Variants in RHOBTB2 observed in about 807,000 individuals in gnomAD.
The protein encoded by RHOBTB2 is rho-related BTB domain-containing protein 2.
In RHOBTB2, 39 loss-of-function variants were observed where a neutral mutation model predicts 66.5. That is an observed-to-expected ratio of 0.59 (90% confidence interval 0.45 to 0.77). The LOEUF (loss-of-function observed/expected upper bound fraction) is 0.77, where lower values mean the gene tolerates loss of function less well. Among genes scored for constraint, RHOBTB2 ranks in the 30% least tolerant of loss-of-function variants. The pLI is 0.00. For synonymous variants in RHOBTB2, 390 were observed against 395.0 expected (o/e 0.99, Z 0.15); for missense variants, 755 against 999.1 (o/e 0.76, Z 3.29).
chr8:22,968,938 G>T, the RHOBTB2 span, among the ~76,000 whole-genome samples: 1 of 151,194 alleles, frequency 6.6e-6, no homozygotes, highest in Non-Finnish European at 1.5e-5. Context: ...TCTTTTACAA[G>T]ATAAAAATCT....
upstream of RHOBTB2, among the ~76,000 whole-genome samples, chr8:22,997,631 C>A (rs1810612270): frequency 6.6e-6 from 1 of 152,206 alleles, no homozygotes; most frequent in South Asian, 2.1e-4. Flanking sequence ...ACAGTCCGAG[C>A]AGCCACCCTC....
chr8:23,018,861 A>C lies in RHOBTB2; in HGVS notation c.*1392A>C, dbSNP rs1811384468. 1 of 153,022 alleles carries C rather than the reference A, an allele frequency of 6.5e-6. No homozygotes were observed. The highest frequency in any genetic ancestry group is 1.5e-5 in the Non-Finnish European group (1 of 68,372). The allele number at this position is 153,022 out of a possible 1,614,324, so 9.5% of individuals were successfully genotyped here. A position where few individuals can be genotyped will look rare whatever the true frequency, so the allele number is the denominator to read the frequency against. ...TTACTGCTGGGGTGGGATAAGGGGA[A>C]GGAGAAGAGGGAGAATGGAGCAGGA... On this transcript the variant is annotated 3_prime_UTR_variant, in exon 10 of 10. Coordinates refer to ENST00000251822, the MANE Select transcript of RHOBTB2 (RefSeq NM_015178.3).
chr8:22,990,140 T>G (rs1810388995), intron 1 of RHOBTB2, among the ~76,000 whole-genome samples: 1 of 152,196 alleles, frequency 6.6e-6, no homozygotes, highest in Admixed American at 6.5e-5. Context: ...CACCATCTCT[T>G]GCACAGGGTG....
chr8:22,954,556 G>A, the RHOBTB2 span, among the ~76,000 whole-genome samples: 6 of 152,232 alleles, frequency 3.9e-5, no homozygotes, highest in Non-Finnish European at 7.4e-5. Flanking sequence ...AAGTGAATAG[G>A]GAAAAGGACA....
chr8:22,969,819 G>C, the RHOBTB2 span, among the ~76,000 whole-genome samples: 1 of 152,090 alleles, frequency 6.6e-6, no homozygotes, highest in Non-Finnish European at 1.5e-5. Context: ...TGGCAGGATC[G>C]GGGTCACTGC....
At chr8:23,011,158 G>A (rs986375407) in intron 7 of RHOBTB2, among the ~76,000 whole-genome samples, 2 of 152,204 alleles carry the variant, frequency 1.3e-5, no homozygotes, top group African/African-American at 4.8e-5. Flanking sequence ...GGAGGCTGAG[G>A]CAAGAGAATT....
intron 1 of RHOBTB2, among the ~76,000 whole-genome samples, chr8:23,003,166 A>T (rs116634314): frequency 0.028 from 4,265 of 152,326 alleles, 175 homozygotes; most frequent in African/African-American, 0.096. Flanking sequence ...GGGCGGGCAG[A>T]TGACGCTGGC....
chr8:22,963,123 G>A, the RHOBTB2 span, among the ~76,000 whole-genome samples: 4 of 152,274 alleles, frequency 2.6e-5, no homozygotes, highest in African/African-American at 9.6e-5. Flanking sequence ...GGCAGCAGGA[G>A]CCAAAGGACA....
At chr8:23,009,194 AAGGG>A (rs983058085) in intron 6 of RHOBTB2, among the ~76,000 whole-genome samples, 30 of 142,976 alleles carry the variant, frequency 2.1e-4, no homozygotes, top group East Asian at 6.9e-4. Flanking sequence ...GAAAAGAAGG[AAGGG>A]AGGGAGGGAG....
chr8:22,995,792 G>T, upstream of RHOBTB2: 1 of 1,512,892 alleles, frequency 6.6e-7, no homozygotes, highest in South Asian at 1.2e-5. Context: ...CACATGGCAG[G>T]GGATGGGGGG....
At position 23,006,023 on chromosome 8, in the gene RHOBTB2, C is replaced by T. The variant is rs534159708; in HGVS notation, c.360C>T (p.Thr120=). Residue 120 remains threonine, a synonymous_variant, in exon 4 of 10, where the codon ACC becomes ACT. Coordinates refer to ENST00000251822, the MANE Select transcript of RHOBTB2 (RefSeq NM_015178.3). This position sits in a 1 kb window ranked among gnomAD's most constrained non-coding sequence, Gnocchi z 6.1. ...ANPNSLHHVK[T]MWYPEIKHFC... ...CCAATTCCCTCCACCATGTCAAGAC[C>T]ATGTGGTACCCAGAAATCAAGCACT... 2.5e-5 allele frequency: 41 copies of T among 1,614,032 alleles called. No homozygotes were observed. Among genetic ancestry groups the T allele is most frequent in the Non-Finnish European group, 2.2e-5 (26 of 1,180,000 alleles).
At chr8:22,994,789 A>T, upstream of RHOBTB2, 2 of 640,196 alleles carry the variant, frequency 3.1e-6, no homozygotes, top group Non-Finnish European at 5.5e-6. Flanking sequence ...TTTGAGACAG[A>T]GTCTCACTCT....
At chr8:22,990,439 C>G (rs1344262488) in intron 1 of RHOBTB2, among the ~76,000 whole-genome samples, 2 of 152,154 alleles carry the variant, frequency 1.3e-5, no homozygotes, top group African/African-American at 4.8e-5. Flanking sequence ...TTGATACCTC[C>G]TAGTCCCCGG....
At chr8:22,994,556 A>G, upstream of RHOBTB2, 2 of 1,546,512 alleles carry the variant, frequency 1.3e-6, no homozygotes, top group Non-Finnish European at 8.8e-7. Flanking sequence ...GTTCCTCACA[A>G]CCAGGAGCCT....
intron 1 of RHOBTB2, among the ~76,000 whole-genome samples, chr8:22,989,891 T>C (rs573954562): frequency 6.6e-6 from 1 of 152,360 alleles, no homozygotes; most frequent in Non-Finnish European, 1.5e-5. Flanking sequence ...TCATCCTGCC[T>C]GCCTGCTTTG....
chr8:22,952,039 T>C, the RHOBTB2 span, among the ~76,000 whole-genome samples: 2 of 152,232 alleles, frequency 1.3e-5, no homozygotes, highest in East Asian at 3.9e-4. Context: ...CTTAGCTCTT[T>C]AGAAATGTAA....
At chr8:22,995,864 G>A (rs367596740), upstream of RHOBTB2, 220 of 1,551,690 alleles carry the variant, frequency 1.4e-4, no homozygotes, top group African/African-American at 2.7e-3. Flanking sequence ...TTCCAGGAGA[G>A]GGGTGCCATG....
Position 23,020,095 on chromosome 8 carries a change from A to G in RHOBTB2, c.*2626A>G. 2.7e-6 allele frequency: 1 copy of G among 368,696 alleles called. No homozygotes were observed. The highest frequency in any genetic ancestry group is 5.3e-6 in the Non-Finnish European group (1 of 187,012). The allele number at this position is 368,696 out of a possible 1,614,324, so 22.8% of individuals were successfully genotyped here. ...TCACTCAGAGCTGATTCACAGGAGG[A>G]GGGGAGGTTGGGGGGCGGGAGACAA... On this transcript the variant is annotated 3_prime_UTR_variant, in exon 10 of 10. Transcript: ENST00000251822.
intron 8 of RHOBTB2, among the ~76,000 whole-genome samples, chr8:23,015,023 G>A (rs1429664637): frequency 4.6e-5 from 7 of 152,116 alleles, no homozygotes; most frequent in African/African-American, 1.7e-4. Context: ...AGTAGGGCTG[G>A]GGAGGGAACC....
Sources: allele counts gnomAD v4.1 joint callset (sites outside exome capture counted in the v4.1 genomes callset), GRCh38; gene constraint gnomAD v4.1.1; non-coding constraint Gnocchi (gnomAD v3.1); transcripts MANE v1.5; gene names NCBI Gene and HGNC (gene_info 2026-07-23, HGNC 2026-07-21).